Variants in PJA2 observed in about 807,000 individuals in gnomAD.
The protein encoded by PJA2 is E3 ubiquitin-protein ligase Praja-2.
A neutral mutation model predicts 69.3 loss-of-function variants in PJA2; 25 were observed. The ratio of observed to expected loss-of-function variants is 0.36; its 90% CI spans 0.26 to 0.50. PJA2 has a LOEUF of 0.50. PJA2 is among the 20% of genes least tolerant of loss of function. The probability of loss-of-function intolerance (pLI) is 0.96; values close to 1 mark genes in which losing one functional copy is unlikely to be tolerated. For missense variants in PJA2, 809 were observed against 830.2 expected (o/e 0.97, Z 0.31); for synonymous variants, 308 against 277.8 (o/e 1.11, Z -1.08).
chr5:109,358,084 C>G (rs1156549225), intron 6 of PJA2, among the ~76,000 whole-genome samples: 1 of 152,154 alleles, frequency 6.6e-6, no homozygotes, highest in Non-Finnish European at 1.5e-5. Flanking sequence ...TAAACTGGCC[C>G]CAAAACTGGC....
intron 4 of PJA2, among the ~76,000 whole-genome samples, chr5:109,377,972 C>T (rs75578773): frequency 6.6e-6 from 1 of 152,026 alleles, no homozygotes; most frequent in Non-Finnish European, 1.5e-5. Flanking sequence ...TAATAATAAT[C>T]ATTATCTGAA....
At chr5:109,392,483 C>A (rs1007325260) in intron 1 of PJA2, among the ~76,000 whole-genome samples, 2 of 151,238 alleles carry the variant, frequency 1.3e-5, no homozygotes, top group African/African-American at 4.9e-5. Flanking sequence ...ATCACTTGAA[C>A]CCAGGAGGTG....
In PJA2 at chr5:109,367,855, A is replaced by G. The variant is rs549903201; in HGVS notation, c.1469+706T>C. 2.6e-5 allele frequency among the ~76,000 whole-genome samples: 4 copies of G among 152,370 alleles called. No individual in the cohort carries two copies. The East Asian group carries it at 7.7e-4, about 29-fold the overall frequency. On this transcript the variant is annotated intron_variant, in intron 5 of 9. Transcript: ENST00000361189. The stretch of plus-strand genomic sequence containing the variant: ...GTAAAAAACCATCATGATCACTTCC[A>G]TTGATGCTGAAAAGACTTTCATAAA...
rs1762145981 is a variant in PJA2 at position 109,344,736 on chromosome 5, A to T, written c.1848T>A (p.Leu616=). 6.2e-7 allele frequency: 1 copy of T among 1,613,972 alleles called. No individual in the cohort carries two copies. Among genetic ancestry groups the T allele is most frequent in the Non-Finnish European group, 8.5e-7 (1 of 1,179,888 alleles). ...GATCTTCAAGAACAAGGGTCTCTGG[A>T]AGACCATCAATGCTTTCCTTACTAG... ...PPASKESIDG[L]PETLVLEDHT... The change falls in exon 8 of 10, where the codon CTT becomes CTA. Residue 616 remains leucine, a synonymous_variant. Transcript: ENST00000361189.
intron 6 of PJA2, among the ~76,000 whole-genome samples, chr5:109,360,326 T>G (rs936084368): frequency 5.9e-5 from 9 of 152,200 alleles, no homozygotes; most frequent in Admixed American, 1.3e-4. Flanking sequence ...AGCTATCAGG[T>G]ACTCTTGAGT....
At chr5:109,379,999 G>C (rs375924792) in intron 3 of PJA2, among the ~76,000 whole-genome samples, 4 of 150,476 alleles carry the variant, frequency 2.7e-5, no homozygotes, top group Non-Finnish European at 5.9e-5. Flanking sequence ...AGATTTGCTG[G>C]AATAAAAATT....
intron 4 of PJA2, among the ~76,000 whole-genome samples, chr5:109,372,905 C>CAACAA (rs1491136790): frequency 2.8e-5 from 1 of 35,700 alleles, no homozygotes; most frequent in African/African-American, 7.5e-5. Context: ...CACTCCGTCT[C>CAACAA]AAAAAAAAAA....
At chr5:109,363,165 A>G (rs1481881648) in intron 5 of PJA2, 143 bp from the exon 6 acceptor site, 7 of 634,720 alleles carry the variant, frequency 1.1e-5, no homozygotes, top group Non-Finnish European at 1.7e-5. Context: ...TGTCTTCCTT[A>G]ACTGCAGAAT....
At chr5:109,359,004 G>A (rs897948401) in intron 6 of PJA2, among the ~76,000 whole-genome samples, 4 of 152,112 alleles carry the variant, frequency 2.6e-5, no homozygotes, top group African/African-American at 9.7e-5. Context: ...AGCTGGGTAG[G>A]TGGGTACCCT....
chr5:109,345,071 A>G (rs111537697), intron 7 of PJA2, among the ~76,000 whole-genome samples: 97 of 151,590 alleles, frequency 6.4e-4, no homozygotes, highest in African/African-American at 2.0e-3. Context: ...GGCCGGGCGC[A>G]ATGGCTCATG....
intron 1 of PJA2, among the ~76,000 whole-genome samples, chr5:109,398,333 T>C (rs1747463757): frequency 6.6e-6 from 1 of 152,036 alleles, no homozygotes; most frequent in Admixed American, 6.6e-5. Context: ...ACACGTATGT[T>C]TACTGCGGCA....
chr5:109,404,140 C>T (rs1336219966), intron 1 of PJA2, among the ~76,000 whole-genome samples: 12 of 151,922 alleles, frequency 7.9e-5, no homozygotes, highest in Non-Finnish European at 1.8e-4. Flanking sequence ...TGGGAACATC[C>T]TCAATATGAT....
In PJA2 at chr5:109,403,656, C is replaced by T. The variant is rs886083585; in HGVS notation, c.-88+6186G>A. 4.6e-5 allele frequency among the ~76,000 whole-genome samples: 7 copies of T among 151,550 alleles called. No homozygotes were observed. In the South Asian group the frequency reaches 1.0e-3, roughly 23 times the overall value. ...ACAGAATGGAAGATGATTCAACATT[C>T]GCAAATAAGTTAACGTAATTCATCA... On this transcript the variant is annotated intron_variant, in intron 1 of 9. Coordinates refer to ENST00000361189, the MANE Select transcript of PJA2 (RefSeq NM_014819.5).
intron 6 of PJA2, among the ~76,000 whole-genome samples, chr5:109,359,252 T>C (rs1420651568): frequency 6.6e-6 from 1 of 152,226 alleles, no homozygotes; most frequent in Non-Finnish European, 1.5e-5. Context: ...ACATACAAAA[T>C]ATGTGGCAAT....
chr5:109,381,615 A>T lies in PJA2; in HGVS notation c.120T>A (p.His40Gln), dbSNP rs1387123049. The change falls in exon 3 of 10, where the codon CAT (histidine) becomes CAA (glutamine). Residue 40 changes from histidine to glutamine, a missense_variant. Physicochemically the swap from His to Gln is conservative, Grantham distance 24. Around this residue, in one of 4 missense-constraint regions of PJA2, gnomAD observed 700 missense variants for 639.5 expected, o/e 1.09. Coordinates refer to ENST00000361189, the MANE Select transcript of PJA2 (RefSeq NM_014819.5). ...TITGRRYGRR[H>Q]AYVSFKPCMT... Reference sequence around the variant, plus strand: ...TACATGGTTTAAAACTGACATAAGCATGTCTTCTTCCATATCTCCTGCCTG... The same window carrying T: ...TACATGGTTTAAAACTGACATAAGCTTGTCTTCTTCCATATCTCCTGCCTG... 1 of 1,614,028 alleles carries T rather than the reference A, an allele frequency of 6.2e-7. No homozygotes were observed. Among genetic ancestry groups the T allele is most frequent in the African/African-American group, 1.3e-5 (1 of 74,940 alleles).
At chr5:109,342,907 C>T (rs1387094920) in intron 9 of PJA2, among the ~76,000 whole-genome samples, 4 of 71,028 alleles carry the variant, frequency 5.6e-5, no homozygotes, top group Non-Finnish European at 1.1e-4. Flanking sequence ...CCTGCCCGGC[C>T]AGCCGCCCCG....
Position 109,344,754 on chromosome 5 carries a change from C to A in PJA2, c.1830G>T (p.Lys610Asn), listed in dbSNP as rs746894966. 6.2e-7 allele frequency: 1 copy of A among 1,614,026 alleles called. No homozygotes were observed. Among genetic ancestry groups the A allele is most frequent in the Non-Finnish European group, 8.5e-7 (1 of 1,179,970 alleles). ...DVEVANPPAS[K>N]ESIDGLPETL... is the part of the protein sequence containing the mutation. ...TCTCTGGAAGACCATCAATGCTTTCCTTACTAGCTGGTGGATTGGCCACCT... is the reference window on the plus strand; with the variant it reads ...TCTCTGGAAGACCATCAATGCTTTCATTACTAGCTGGTGGATTGGCCACCT... Residue 610 changes from lysine (K) to asparagine (N), a missense_variant, in exon 8 of 10, where the codon AAG (lysine) becomes AAT (asparagine). By Grantham distance (94) the Lys-to-Asn change is moderately conservative (BLOSUM62 0). Around this residue, in one of 4 missense-constraint regions of PJA2, gnomAD observed 55 missense variants for 90.7 expected, o/e 0.61. Coordinates refer to ENST00000361189, the MANE Select transcript of PJA2 (RefSeq NM_014819.5).
In PJA2 at chr5:109,355,964, T is replaced by G; in HGVS notation, c.1715A>C (p.Gln572Pro). 1.2e-6 allele frequency: 2 copies of G among 1,613,582 alleles called. No individual in the cohort carries two copies. Among genetic ancestry groups the G allele is most frequent in the Non-Finnish European group, 1.7e-6 (2 of 1,179,882 alleles). Reference sequence around the variant, plus strand: ...TTCTAGTGCCATGTAGGTAAGGAACTGAGGATCCACATATGAAATAGCTTC... The same window carrying G: ...TTCTAGTGCCATGTAGGTAAGGAACGGAGGATCCACATATGAAATAGCTTC... ...VAEAISYVDP[Q>P]FLTYMALEER... The change falls in exon 7 of 10, where the codon CAG (glutamine) becomes CCG (proline). Residue 572 changes from glutamine (Q) to proline (P), a missense_variant. Around this residue, in one of 4 missense-constraint regions of PJA2, gnomAD observed 55 missense variants for 90.7 expected, o/e 0.61. Coordinates refer to ENST00000361189, the MANE Select transcript of PJA2 (RefSeq NM_014819.5).
chr5:109,350,415 T>C (rs1762231486), intron 7 of PJA2, among the ~76,000 whole-genome samples: 1 of 152,150 alleles, frequency 6.6e-6, no homozygotes, highest in Admixed American at 6.5e-5. Context: ...AGTAGCATAA[T>C]CCTTTATCAG....
Sources: allele counts gnomAD v4.1 joint callset (sites outside exome capture counted in the v4.1 genomes callset), GRCh38; gene constraint gnomAD v4.1.1; regional missense constraint gnomAD v4.1.1; transcripts MANE v1.5; gene names NCBI Gene and HGNC (gene_info 2026-07-23, HGNC 2026-07-21).